RBMS3: variants seen among roughly 807,000 people sequenced by gnomAD.
The protein encoded by RBMS3 is RNA binding motif single stranded interacting protein 3, also known as RNA-binding motif, single-stranded-interacting protein 3.
In RBMS3, 27 loss-of-function variants were observed where a neutral mutation model predicts 66.8. The observed-to-expected ratio is 0.40, with a 90% CI of 0.30 to 0.56. The LOEUF is 0.56. Among genes scored for constraint, RBMS3 ranks in the 20% least tolerant of loss-of-function variants. The probability of loss-of-function intolerance (pLI) is 0.40; values close to 1 mark genes in which losing one functional copy is unlikely to be tolerated. For missense variants in RBMS3, 513 were observed against 549.5 expected (o/e 0.93, Z 0.66); for synonymous variants, 188 against 183.0 (o/e 1.03, Z -0.22).
intron 4 of RBMS3, among the ~76,000 whole-genome samples, chr3:29,638,945 T>A (rs2049577958): frequency 6.6e-6 from 1 of 151,930 alleles, no homozygotes; most frequent in African/African-American, 2.4e-5. Flanking sequence ...TAGAAAATAT[T>A]TTGATTCCTG....
chr3:29,914,058 T>C (rs1259429443), intron 10 of RBMS3, among the ~76,000 whole-genome samples: 3 of 152,096 alleles, frequency 2.0e-5, no homozygotes, highest in East Asian at 1.9e-4. Context: ...CCATTATAGA[T>C]ATTATTTAAC....
intron 4 of RBMS3, among the ~76,000 whole-genome samples, chr3:29,628,907 T>C (rs1271307614): frequency 6.6e-6 from 1 of 152,128 alleles, no homozygotes; most frequent in East Asian, 1.9e-4. Flanking sequence ...ATTGTCATTG[T>C]CCATGTGTTT....
At chr3:29,922,961 A>G (rs1207217825) in intron 10 of RBMS3, among the ~76,000 whole-genome samples, 1 of 152,190 alleles carries the variant, frequency 6.6e-6, no homozygotes. Flanking sequence ...GCATACTCAA[A>G]CTAATTGAAG....
At chr3:29,703,514 A>C (rs1559587853) in intron 4 of RBMS3, among the ~76,000 whole-genome samples, 1 of 152,240 alleles carries the variant, frequency 6.6e-6, no homozygotes, top group Non-Finnish European at 1.5e-5. Flanking sequence ...TAGTACATGT[A>C]GGTTCACATG....
At chr3:29,518,704 C>A (rs2044736768) in intron 3 of RBMS3, among the ~76,000 whole-genome samples, 1 of 152,188 alleles carries the variant, frequency 6.6e-6, no homozygotes, top group Non-Finnish European at 1.5e-5. Context: ...AATATTCCAG[C>A]TCATTCACAG....
At chr3:29,746,979 A>G (rs1304375777) in intron 5 of RBMS3, among the ~76,000 whole-genome samples, 3 of 152,304 alleles carry the variant, frequency 2.0e-5, no homozygotes, top group Non-Finnish European at 2.9e-5. Flanking sequence ...CAGATTAGAA[A>G]TGGTGGCCAT....
At chr3:29,564,331 A>G (rs1279643361) in intron 3 of RBMS3, among the ~76,000 whole-genome samples, 1 of 151,954 alleles carries the variant, frequency 6.6e-6, no homozygotes, top group African/African-American at 2.4e-5. Flanking sequence ...CAAAAAATAC[A>G]AAAAATTAGC....
intron 3 of RBMS3, among the ~76,000 whole-genome samples, chr3:29,547,611 G>T (rs1329291608): frequency 6.6e-6 from 1 of 151,832 alleles, no homozygotes; most frequent in Non-Finnish European, 1.5e-5. Context: ...TTCTGATTCA[G>T]GGGATTCACT....
chr3:29,618,150 C>A (rs1033991847), intron 4 of RBMS3, among the ~76,000 whole-genome samples: 1 of 152,040 alleles, frequency 6.6e-6, no homozygotes, highest in Non-Finnish European at 1.5e-5. Context: ...ATCCCTATTT[C>A]AAGGATATAA....
At chr3:29,767,773 C>T (rs908790106) in intron 6 of RBMS3, among the ~76,000 whole-genome samples, 3 of 151,796 alleles carry the variant, frequency 2.0e-5, no homozygotes, top group African/African-American at 7.3e-5. Context: ...TATTTAAATG[C>T]AATTTATCTT....
At chr3:29,285,586 G>C (rs1017145926) in intron 1 of RBMS3, among the ~76,000 whole-genome samples, 1 of 152,124 alleles carries the variant, frequency 6.6e-6, no homozygotes, top group Non-Finnish European at 1.5e-5. Flanking sequence ...AGGTCTTGAA[G>C]AAAGAGGTTC....
At chr3:29,945,030 A>C (rs1695205486) in intron 12 of RBMS3, among the ~76,000 whole-genome samples, 1 of 151,750 alleles carries the variant, frequency 6.6e-6, no homozygotes. Context: ...GATTTATTGC[A>C]AAGAGAAAAA....
At chr3:29,966,912 A>C (rs1190698379) in intron 12 of RBMS3, among the ~76,000 whole-genome samples, 2 of 152,122 alleles carry the variant, frequency 1.3e-5, no homozygotes, top group African/African-American at 4.8e-5. Flanking sequence ...GGGATGCTGG[A>C]TTTTGTCAAA....
chr3:29,839,584 A>G (rs1164898415), intron 6 of RBMS3, among the ~76,000 whole-genome samples: 1 of 151,770 alleles, frequency 6.6e-6, no homozygotes, highest in African/African-American at 2.4e-5. Flanking sequence ...GGAAAAAAAG[A>G]GAAAATAATA....
chr3:29,334,860 A>C (rs779781599), intron 1 of RBMS3, among the ~76,000 whole-genome samples: 2 of 152,184 alleles, frequency 1.3e-5, no homozygotes, highest in Non-Finnish European at 2.9e-5. Context: ...AGACAGATTG[A>C]GTGTATAATT....
intron 4 of RBMS3, among the ~76,000 whole-genome samples, chr3:29,718,658 C>T (rs1475388081): frequency 2.0e-5 from 3 of 152,196 alleles, no homozygotes; most frequent in African/African-American, 4.8e-5. Flanking sequence ...GCTGAGCAAC[C>T]TTCTGCAGCT....
intron 3 of RBMS3, among the ~76,000 whole-genome samples, chr3:29,520,835 A>G (rs1168656542): frequency 1.3e-5 from 2 of 152,144 alleles, no homozygotes; most frequent in Non-Finnish European, 2.9e-5. Flanking sequence ...AGGTTAAAGA[A>G]TCTTACAGCA....
At chr3:29,466,247 G>A (rs368648703) in intron 2 of RBMS3, among the ~76,000 whole-genome samples, 1 of 151,816 alleles carries the variant, frequency 6.6e-6, no homozygotes, top group African/African-American at 2.4e-5. Context: ...CTATTGCAAC[G>A]GCAGCTGAAT....
intron 4 of RBMS3, among the ~76,000 whole-genome samples, chr3:29,661,823 C>T (rs2050564077): frequency 1.3e-5 from 2 of 152,178 alleles, no homozygotes; most frequent in East Asian, 1.9e-4. Context: ...CTCCTTGCAC[C>T]TATCCTGCTG....
Sources: gnomAD v4.1 joint callset for allele counts (sites outside exome capture counted in the v4.1 genomes callset) on GRCh38, gnomAD v4.1.1 for gene constraint, MANE v1.5 for transcripts, NCBI Gene and HGNC (gene_info 2026-07-23, HGNC 2026-07-21) for gene names.